The following ALOX5 variants were observed in gnomAD, a reference collection of about 807,000 sequenced individuals.
ALOX5 encodes polyunsaturated fatty acid 5-lipoxygenase.
ALOX5 carries 64 observed loss-of-function variants against 87.9 expected under a neutral mutation model. That is an observed-to-expected ratio of 0.73 (90% CI 0.60 to 0.90). The LOEUF (loss-of-function observed/expected upper bound fraction) is 0.90, where lower values mean the gene tolerates loss of function less well. Ranked by LOEUF, ALOX5 falls within the 40% of genes least tolerant of loss-of-function variation. The pLI is 0.00. For synonymous variants in ALOX5, 388 were observed against 355.1 expected, an observed-to-expected ratio of 1.09 and a Z score of -1.04; for missense variants, 822 against 907.5, an observed-to-expected ratio of 0.91 and a Z score of 1.21.
At chr10:45,428,515 A>T (rs578261642) in intron 6 of ALOX5, 103 bp from the exon 7 acceptor site, 201 of 1,430,852 alleles carry the variant, frequency 1.4e-4, no homozygotes, top group Admixed American at 3.1e-4. Context: ...GCTGAGTCGC[A>T]GGAAAGGGAG....
At chr10:45,423,246 C>T (rs1841569818) in intron 4 of ALOX5, among the ~76,000 whole-genome samples, 1 of 152,242 alleles carries the variant, frequency 6.6e-6, no homozygotes, top group African/African-American at 2.4e-5. Flanking sequence ...GAAGAGTGGG[C>T]AGTGATTGAG....
intron 2 of ALOX5, among the ~76,000 whole-genome samples, chr10:45,389,531 C>A (rs1840131760): frequency 6.6e-6 from 1 of 152,138 alleles, no homozygotes; most frequent in Non-Finnish European, 1.5e-5. Context: ...AGACTGGGGG[C>A]CAATATTCAA....
At chr10:45,415,118 A>C (rs1239555833) in intron 4 of ALOX5, among the ~76,000 whole-genome samples, 3 of 152,252 alleles carry the variant, frequency 2.0e-5, no homozygotes, top group Non-Finnish European at 4.4e-5. Context: ...TCATGCTGCT[A>C]TAAAGACACA....
intron 4 of ALOX5, among the ~76,000 whole-genome samples, chr10:45,415,851 A>G (rs1259396297): frequency 2.6e-5 from 4 of 152,346 alleles, no homozygotes; most frequent in Middle Eastern, 3.4e-3. Context: ...GGAGGTTTTC[A>G]CCTTTTATCT....
At chr10:45,402,086 CAAA>C (rs10649706) in intron 3 of ALOX5, among the ~76,000 whole-genome samples, 3 of 101,124 alleles carry the variant, frequency 3.0e-5, no homozygotes, top group African/African-American at 3.8e-5. Flanking sequence ...GACTCCGTCT[CAAA>C]AAAAAAAAAA....
At chr10:45,438,485 G>GA (rs1564447517) in intron 7 of ALOX5, among the ~76,000 whole-genome samples, 4 of 151,380 alleles carry the variant, frequency 2.6e-5, no homozygotes, top group Non-Finnish European at 5.9e-5. Context: ...CCCAGAGGAT[G>GA]TCAGGAACAT....
intron 3 of ALOX5, among the ~76,000 whole-genome samples, chr10:45,401,781 T>C (rs1166964728): frequency 3.9e-5 from 6 of 152,308 alleles, no homozygotes; most frequent in African/African-American, 1.4e-4. Context: ...GATATGAAAT[T>C]ACCAAATAGT....
intron 2 of ALOX5, among the ~76,000 whole-genome samples, chr10:45,387,076 G>A (rs1187494240): frequency 1.3e-5 from 2 of 152,162 alleles, no homozygotes; most frequent in Non-Finnish European, 2.9e-5. Context: ...CGTGTGGAGG[G>A]CTTTCCTGCA....
intron 4 of ALOX5, among the ~76,000 whole-genome samples, chr10:45,418,158 T>C (rs1841362900): frequency 6.6e-6 from 1 of 152,048 alleles, no homozygotes; most frequent in Non-Finnish European, 1.5e-5. Flanking sequence ...TGGAGACCCT[T>C]GAGTTCTGCG....
At chr10:45,435,463 T>C (rs377755250) in intron 7 of ALOX5, among the ~76,000 whole-genome samples, 100 of 152,272 alleles carry the variant, frequency 6.6e-4, no homozygotes, top group African/African-American at 2.2e-3. Context: ...GTTCCCACTT[T>C]TATGCCCATG....
chr10:45,395,512 G>A (rs917233189), intron 2 of ALOX5, among the ~76,000 whole-genome samples: 47 of 151,900 alleles, frequency 3.1e-4, no homozygotes, highest in South Asian at 1.5e-3. Context: ...TGTAAATGAC[G>A]AGTTAATGGG....
intron 1 of ALOX5, among the ~76,000 whole-genome samples, chr10:45,375,505 A>C (rs938995049): frequency 5.3e-5 from 8 of 152,200 alleles, no homozygotes; most frequent in African/African-American, 1.7e-4. Flanking sequence ...AGACTTTACC[A>C]AGCTGCCTTC....
intron 6 of ALOX5, chr10:45,428,251 A>T (rs1290559091): frequency 4.4e-6 from 1 of 226,224 alleles, no homozygotes; most frequent in East Asian, 1.1e-4. Flanking sequence ...ACTTATGTGT[A>T]GAGTCCGGCA....
intron 1 of ALOX5, among the ~76,000 whole-genome samples, chr10:45,378,616 C>T (rs1339372095): frequency 6.6e-6 from 1 of 152,200 alleles, no homozygotes; most frequent in Non-Finnish European, 1.5e-5. Context: ...TTCCACAAAC[C>T]TTCCGAAGAT....
At chr10:45,428,363 A>C (rs1311250670) in intron 6 of ALOX5, 2 of 526,218 alleles carry the variant, frequency 3.8e-6, no homozygotes, top group African/African-American at 3.8e-5. Context: ...CGTGCCAGTC[A>C]AGCAGGTTTC....
Position 45,437,181 on chromosome 10 carries a change from C to T in ALOX5, c.982-3249C>T, listed in dbSNP as rs552060766. Among the ~76,000 whole-genome samples the T allele has an allele frequency of 2.0e-4, 30 of 152,214 alleles. No homozygotes were observed. In the South Asian group the frequency reaches 5.6e-3, roughly 28 times the overall value. On this transcript the variant is annotated intron_variant, in intron 7 of 13. Coordinates refer to ENST00000374391, the MANE Select transcript of ALOX5 (RefSeq NM_000698.5). ...CAGCCTGACCAACATGGTGAAACCC[C>T]GTCTCAATTAAAAATACAAAAATTA...
intron 7 of ALOX5, among the ~76,000 whole-genome samples, chr10:45,439,912 G>T (rs768439596): frequency 2.0e-5 from 3 of 152,154 alleles, no homozygotes; most frequent in Non-Finnish European, 2.9e-5. Flanking sequence ...TACCAGGAGG[G>T]CCCCAAGCCT....
chr10:45,374,538 G>C (rs1588970725), intron 1 of ALOX5, 109 bp downstream of exon 1: 1 of 1,123,392 alleles, frequency 8.9e-7, no homozygotes, highest in East Asian at 3.1e-5. Context: ...GGGCGGCCCG[G>C]ACAGGACTGG....
At chr10:45,429,505 T>A (rs1280090505) in intron 7 of ALOX5, among the ~76,000 whole-genome samples, 1 of 152,236 alleles carries the variant, frequency 6.6e-6, no homozygotes, top group Non-Finnish European at 1.5e-5. Context: ...TGGGTTAACC[T>A]GCACAGTCCG....
Sources: gnomAD v4.1 joint callset for allele counts (sites outside exome capture counted in the v4.1 genomes callset) on GRCh38, gnomAD v4.1.1 for gene constraint, MANE v1.5 for transcripts, NCBI Gene and HGNC (gene_info 2026-07-23, HGNC 2026-07-21) for gene names.